The following GPT2 variants were observed in gnomAD, a reference collection of about 807,000 sequenced individuals.
The protein encoded by GPT2 is glutamic--pyruvic transaminase 2.
Under a neutral mutation model 56.9 loss-of-function variants are expected in GPT2, and 30 were observed. The ratio of observed to expected loss-of-function variants is 0.53; its 90% CI spans 0.39 to 0.72. The LOEUF (loss-of-function observed/expected upper bound fraction) is 0.72. GPT2 is among the 30% of genes least tolerant of loss of function. GPT2 has a pLI of 0.00. For synonymous variants in GPT2, 271 were observed against 283.1 expected, an observed-to-expected ratio of 0.96 and a Z score of 0.43; for missense variants, 542 against 703.4, an observed-to-expected ratio of 0.77 and a Z score of 2.60.
chr16:46,888,664 T>C (rs555035430), intron 2 of GPT2, among the ~76,000 whole-genome samples: 3 of 152,094 alleles, frequency 2.0e-5, no homozygotes, highest in Admixed American at 6.6e-5. Flanking sequence ...ACTTTATTTT[T>C]TTAAAGACAG....
chr16:46,901,113 G>C (rs1412658175), intron 4 of GPT2, among the ~76,000 whole-genome samples: 1 of 152,232 alleles, frequency 6.6e-6, no homozygotes. Context: ...GCAGCTGGAG[G>C]CCAGGTAGAA....
Position 46,884,799 on chromosome 16 carries a change from C to T in GPT2, c.84C>T (p.Ala28=), listed in dbSNP as rs2143302848. ...GGGGCCGCAGCCAGAGCAGCGCGGC[C>T]GCCGAGGCCTCGGCGGTGCTCAAGG... ...SSWGRSQSSA[A]AEASAVLKVR... is the part of the protein sequence containing the mutation. The change falls in exon 2 of 12, where the codon GCC becomes GCT. Residue 28 remains alanine, a synonymous_variant. Coordinates refer to ENST00000340124, the MANE Select transcript of GPT2 (RefSeq NM_133443.4). 6.6e-7 allele frequency: 1 copy of T among 1,516,264 alleles called. No homozygotes were observed. The highest frequency in any genetic ancestry group is 8.8e-7 in the Non-Finnish European group (1 of 1,132,118). The allele number at this position is 1,516,264 out of a possible 1,614,324, so 93.9% of individuals were successfully genotyped here.
intron 10 of GPT2, among the ~76,000 whole-genome samples, chr16:46,925,422 C>T (rs1403493068): frequency 1.3e-5 from 2 of 152,020 alleles, no homozygotes; most frequent in Non-Finnish European, 2.9e-5. Context: ...GGGGTTTCAC[C>T]GTGTTAGCCA....
chr16:46,898,998 C>CATAT (rs61197632), intron 3 of GPT2, among the ~76,000 whole-genome samples: 7 of 124,422 alleles, frequency 5.6e-5, no homozygotes, highest in African/African-American at 2.5e-4. Flanking sequence ...ATATAACACA[C>CATAT]ATATATATAT....
At position 46,909,859 on chromosome 16, in the gene GPT2, C is replaced by T. The variant is rs139171250; in HGVS notation, c.752C>T (p.Ala251Val). The T allele has an allele frequency of 6.8e-6, 11 of 1,613,980 alleles. No homozygotes were observed. The highest frequency in any genetic ancestry group is 5.3e-5 in the African/African-American group (4 of 74,882). Residue 251 changes from alanine (A) to valine (V), a missense_variant, in exon 6 of 12, where the codon GCG becomes GTG. Physicochemically the swap from Ala to Val is moderately conservative, Grantham distance 64 (BLOSUM62 0). Coordinates refer to ENST00000340124, the MANE Select transcript of GPT2 (RefSeq NM_133443.4). Reference sequence around the variant, plus strand: ...CTGAATGTGAATGAGCTCCGGCGGGCGGTGCAGGAGGCCAAAGACCACTGT... The same window carrying T: ...CTGAATGTGAATGAGCTCCGGCGGGTGGTGCAGGAGGCCAAAGACCACTGT... ...WALNVNELRRAVQEAKDHCDP... is the reference protein window; with the variant it reads ...WALNVNELRRVVQEAKDHCDP...
Position 46,884,905 on chromosome 16 carries a change from G to A in GPT2, c.190G>A (p.Val64Met). Reference sequence around the variant, plus strand: ...GCAGGTGAAGGCGGTGGAGTACGCCGTGCGGGGACCCATCGTGCTCAAGGC... The same window carrying A: ...GCAGGTGAAGGCGGTGGAGTACGCCATGCGGGGACCCATCGTGCTCAAGGC... Reference protein sequence around the residue: ...NPQVKAVEYAVRGPIVLKAGE... With the variant: ...NPQVKAVEYAMRGPIVLKAGE... The change falls in exon 2 of 12, where the codon GTG (valine) becomes ATG (methionine). Residue 64 changes from valine to methionine, a missense_variant. Transcript: ENST00000340124. The A allele has an allele frequency of 6.5e-7, 1 of 1,541,266 alleles. No homozygotes were observed. Among genetic ancestry groups the A allele is most frequent in the Non-Finnish European group, 8.7e-7 (1 of 1,143,372 alleles).
rs1177246118 is a variant in GPT2 at position 46,910,558 on chromosome 16, A to G, written c.820+631A>G. Among the ~76,000 whole-genome samples, 2 of 152,152 alleles carry G rather than the reference A, an allele frequency of 1.3e-5. 1 individual carries two copies. The highest frequency in any genetic ancestry group is 4.1e-4 in the South Asian group (2 of 4,820). On this transcript the variant is annotated intron_variant, in intron 6 of 11. Coordinates refer to ENST00000340124, the MANE Select transcript of GPT2 (RefSeq NM_133443.4). The stretch of plus-strand genomic sequence containing the variant: ...CAATAGAATGAGACCTTGTCTAAAA[A>G]GTGAGTAAATGCAGACATTTTCTGG...
At chr16:46,906,795 G>A in intron 4 of GPT2, 47 bp from the exon 5 acceptor site, 2 of 1,606,642 alleles carry the variant, frequency 1.2e-6, no homozygotes, top group Non-Finnish European at 1.7e-6. Context: ...TGACCCTGTG[G>A]AGCCAGACAT....
intron 2 of GPT2, among the ~76,000 whole-genome samples, chr16:46,889,594 G>A (rs117735817): frequency 0.047 from 7,201 of 152,158 alleles, 250 homozygotes; most frequent in Non-Finnish European, 0.072. Context: ...GCTTCCAATA[G>A]GATGAACCCT....
At chr16:46,920,086 T>G (rs1183888164) in intron 8 of GPT2, among the ~76,000 whole-genome samples, 1 of 152,170 alleles carries the variant, frequency 6.6e-6, no homozygotes, top group Non-Finnish European at 1.5e-5. Flanking sequence ...TGGTGCGCGC[T>G]TCCAGCTACT....
chr16:46,902,838 C>G (rs1215653918), intron 4 of GPT2, among the ~76,000 whole-genome samples: 1 of 152,106 alleles, frequency 6.6e-6, no homozygotes, highest in Non-Finnish European at 1.5e-5. Flanking sequence ...ATTGGCCAGG[C>G]TGGTCTTGAA....
In GPT2 at chr16:46,918,609, G is replaced by A. The variant is rs1246084000; in HGVS notation, c.901-12G>A. The A allele has an allele frequency of 6.8e-6, 11 of 1,613,702 alleles. No homozygotes were observed. Among genetic ancestry groups the A allele is most frequent in the South Asian group, 1.1e-5 (1 of 91,048 alleles). The stretch of plus-strand genomic sequence containing the variant: ...GGACCCTTTGGTGACCGTCCCTGCC[G>A]TGCCCCCGCAGGTGTACCAGGACAA... On this transcript the variant is annotated splice_polypyrimidine_tract_variant and intron_variant, in intron 7 of 11. Transcript: ENST00000340124.
intron 7 of GPT2, among the ~76,000 whole-genome samples, chr16:46,918,250 C>T (rs1193276771): frequency 3.3e-5 from 5 of 152,272 alleles, no homozygotes; most frequent in African/African-American, 9.6e-5. Flanking sequence ...CCACTAATGC[C>T]GTCGTCACCA....
chr16:46,921,533 G>A (rs897110332), intron 8 of GPT2, among the ~76,000 whole-genome samples: 1 of 152,084 alleles, frequency 6.6e-6, no homozygotes, highest in South Asian at 2.1e-4. Flanking sequence ...TGGGGGTGGG[G>A]GATGCATGGA....
chr16:46,912,820 C>T (rs1961070767), intron 6 of GPT2, among the ~76,000 whole-genome samples: 1 of 152,208 alleles, frequency 6.6e-6, no homozygotes, highest in African/African-American at 2.4e-5. Context: ...ACTAGACCCA[C>T]CTCCAACATG....
chr16:46,898,950 A>ATT (rs1169168806), intron 3 of GPT2, among the ~76,000 whole-genome samples: 1 of 139,942 alleles, frequency 7.1e-6, no homozygotes, highest in African/African-American at 2.7e-5. Context: ...ACACACACAT[A>ATT]TATGTGTATA....
intron 8 of GPT2, 136 bp from the exon 9 acceptor site, chr16:46,922,106 T>A (rs1234700590): frequency 5.5e-6 from 4 of 722,936 alleles, no homozygotes; most frequent in Non-Finnish European, 7.0e-6. Flanking sequence ...TTGTTCACCT[T>A]CCATTGGCAA....
chr16:46,919,802 A>C (rs1460555218), intron 8 of GPT2, among the ~76,000 whole-genome samples: 1 of 152,324 alleles, frequency 6.6e-6, no homozygotes, highest in East Asian at 1.9e-4. Flanking sequence ...ACAGTCTCCC[A>C]GGTGAGATAT....
intron 2 of GPT2, among the ~76,000 whole-genome samples, chr16:46,890,737 T>C (rs893293657): frequency 1.3e-5 from 2 of 152,250 alleles, no homozygotes; most frequent in African/African-American, 4.8e-5. Flanking sequence ...GAAATGATTA[T>C]CACAGTCAAT....
Sources: gnomAD v4.1 joint callset for allele counts (sites outside exome capture counted in the v4.1 genomes callset) on GRCh38, gnomAD v4.1.1 for gene constraint, MANE v1.5 for transcripts, NCBI Gene and HGNC (gene_info 2026-07-23, HGNC 2026-07-21) for gene names.